CHAF1A: variants seen among roughly 807,000 people sequenced by gnomAD.
CHAF1A encodes the protein CAF-1 subunit A.
Under a neutral mutation model 93.2 loss-of-function variants are expected in CHAF1A, and 5 were observed. The ratio of observed to expected loss-of-function variants is 0.05; its 90% CI spans 0.03 to 0.11. The LOEUF (loss-of-function observed/expected upper bound fraction) is 0.11, where lower values mean the gene tolerates loss of function less well. CHAF1A is among the 10% of genes least tolerant of loss of function. The probability of loss-of-function intolerance (pLI) is 1.00; values close to 1 mark genes in which losing one functional copy is unlikely to be tolerated. For synonymous variants in CHAF1A, 504 were observed against 510.3 expected (o/e 0.99, Z 0.17); for missense variants, 1,102 against 1,259.9 (o/e 0.87, Z 1.90).
At chr19:4,432,315 C>G (rs1036830896) in intron 12 of CHAF1A, 108 bp downstream of exon 12, 3 of 1,272,318 alleles carry the variant, frequency 2.4e-6, no homozygotes, top group Non-Finnish European at 3.2e-6. Context: ...ATGTTCTTTC[C>G]ACAAATAACA....
chr19:4,403,922 C>T (rs1199930382), intron 1 of CHAF1A, among the ~76,000 whole-genome samples: 3 of 152,188 alleles, frequency 2.0e-5, no homozygotes, highest in Non-Finnish European at 2.9e-5. Flanking sequence ...CTGGTTCAAG[C>T]GATTCTTCTG....
chr19:4,430,876 C>T (rs1974169772), intron 11 of CHAF1A: 2 of 528,120 alleles, frequency 3.8e-6, no homozygotes, highest in Non-Finnish European at 6.9e-6. Flanking sequence ...GGAGCAGACA[C>T]CCTGGTGAGG....
chr19:4,422,498 C>A lies in CHAF1A; in HGVS notation c.1018-68C>A. The A allele has an allele frequency of 7.1e-7, 1 of 1,401,126 alleles. No individual in the cohort carries two copies. Among genetic ancestry groups the A allele is most frequent in the Non-Finnish European group, 9.9e-7 (1 of 1,013,620 alleles). The allele number at this position is 1,401,126 out of a possible 1,614,324, so 86.8% of individuals were successfully genotyped here. ...CGTCCAGGCCGTGCTGTCCTCCATG[C>A]TGTGAACCGAGCTTCCTCCTGGGAG... On this transcript the variant is annotated intron_variant, in intron 4 of 14. Coordinates refer to ENST00000301280, the MANE Select transcript of CHAF1A (RefSeq NM_005483.3). The surrounding 1 kb of genome is among the most constrained non-coding windows in gnomAD (Gnocchi z 4.6).
At chr19:4,447,841 C>T (rs765627908), downstream of CHAF1A, 40 of 578,516 alleles carry the variant, frequency 6.9e-5, no homozygotes, top group Non-Finnish European at 1.2e-4. Context: ...AGGAGCCCCA[C>T]GGAACCCCTC....
intron 7 of CHAF1A, among the ~76,000 whole-genome samples, chr19:4,425,678 A>AGG (rs778668673): frequency 2.0e-5 from 3 of 152,252 alleles, no homozygotes; most frequent in East Asian, 3.9e-4. Context: ...TCAGTGGTGT[A>AGG]GGGGGGGTCC....
intron 13 of CHAF1A, among the ~76,000 whole-genome samples, chr19:4,440,769 C>CTGCTCCATCCTGCAGGCACTTGTAACCCA (rs1974372493): frequency 6.6e-6 from 1 of 151,790 alleles, no homozygotes; most frequent in South Asian, 2.1e-4. Context: ...AGGTGACTGA[C>CTGCTCCATCCTGCAGGCACTTGTAACCCA]TGCTCCATCC....
intron 14 of CHAF1A, 125 bp downstream of exon 14, chr19:4,442,466 G>A (rs1212913657): frequency 2.5e-6 from 2 of 811,188 alleles, no homozygotes; most frequent in Admixed American, 4.4e-5. Flanking sequence ...GCTTGCAGCT[G>A]GAAGTGGCTC....
chr19:4,426,229 G>T (rs1210630703), intron 7 of CHAF1A, among the ~76,000 whole-genome samples: 1 of 143,886 alleles, frequency 6.9e-6, no homozygotes, highest in Non-Finnish European at 1.5e-5. Context: ...GTGCAGTGGT[G>T]CCATCTCGGC....
Position 4,422,574 on chromosome 19 carries a change from G to A in CHAF1A, c.1026G>A (p.Glu342=). Residue 342 remains glutamate, a synonymous_variant, in exon 5 of 15, where the codon GAG becomes GAA. Transcript: ENST00000301280. The surrounding 1 kb of genome is among the most constrained non-coding windows in gnomAD (Gnocchi z 4.6). ...GCCACACTGTCTTGTAGGATCAGGA[G>A]CGTCTGGGCAAGCAGCTCAAGTTAC... ...KNKLRLQRDQ[E]RLGKQLKLRA... 2 of 1,565,204 alleles carry A rather than the reference G, an allele frequency of 1.3e-6. No individual in the cohort carries two copies. The highest frequency in any genetic ancestry group is 8.7e-7 in the Non-Finnish European group (1 of 1,154,662).
In CHAF1A at chr19:4,443,354, CT is replaced by C; in HGVS notation, c.*330del. 3.0e-6 allele frequency: 1 copy of C among 333,090 alleles called. No individual in the cohort carries two copies. Among genetic ancestry groups the C allele is most frequent in the Admixed American group, 4.2e-5 (1 of 23,696 alleles). 20.6% of individuals were successfully genotyped at this position (333,090 alleles called of 1,614,324 possible). On this transcript the variant is annotated 3_prime_UTR_variant, in exon 15 of 15. Coordinates refer to ENST00000301280, the MANE Select transcript of CHAF1A (RefSeq NM_005483.3). ...CCCGCCTGGCCACGTGCGCGGGCCC[CT>C]GGACCTAACGAGGCAGTGTATAAAC...
At chr19:4,425,791 T>C (rs746483641) in intron 7 of CHAF1A, among the ~76,000 whole-genome samples, 20 of 152,206 alleles carry the variant, frequency 1.3e-4, no homozygotes, top group Non-Finnish European at 2.5e-4. Flanking sequence ...TCATGAGCCA[T>C]GGCCAGAGTG....
chr19:4,429,097 GCTC>G, intron 8 of CHAF1A: 1 of 596,742 alleles, frequency 1.7e-6, no homozygotes. Flanking sequence ...TGTCTTCCCA[GCTC>G]CTCGTGGAGG....
At chr19:4,432,294 C>G in intron 12 of CHAF1A, 87 bp downstream of exon 12, 1 of 1,414,086 alleles carries the variant, frequency 7.1e-7, no homozygotes, top group Non-Finnish European at 9.4e-7. Context: ...GCTAGTGGGT[C>G]CGTGATGCAA....
intron 3 of CHAF1A, among the ~76,000 whole-genome samples, chr19:4,417,609 T>A (rs941938549): frequency 1.3e-5 from 2 of 152,000 alleles, no homozygotes; most frequent in African/African-American, 4.8e-5. Flanking sequence ...TACAGGCACC[T>A]GCCACCACGC....
intron 9 of CHAF1A, 37 bp downstream of exon 9, chr19:4,429,643 C>G (rs367592334): frequency 3.7e-6 from 6 of 1,613,916 alleles, no homozygotes; most frequent in Non-Finnish European, 5.1e-6. Flanking sequence ...CCCCGTACCT[C>G]CTCACTGTGC....
intron 14 of CHAF1A, 102 bp downstream of exon 14, chr19:4,442,443 A>C (rs1222863757): frequency 1.0e-6 from 1 of 969,852 alleles, no homozygotes; most frequent in Non-Finnish European, 1.6e-6. Flanking sequence ...CTCCACTGTG[A>C]GCAGCCAGGA....
chr19:4,404,428 A>G (rs1217621278), intron 1 of CHAF1A, among the ~76,000 whole-genome samples: 1 of 152,228 alleles, frequency 6.6e-6, no homozygotes, highest in East Asian at 1.9e-4. Flanking sequence ...GATTGTCTCG[A>G]AAATAAAGTT....
intron 7 of CHAF1A, among the ~76,000 whole-genome samples, chr19:4,425,411 C>G (rs941943338): frequency 2.6e-5 from 4 of 152,038 alleles, no homozygotes; most frequent in African/African-American, 9.7e-5. Context: ...TGCCACCACT[C>G]CCAGCTAATT....
intron 8 of CHAF1A, 183 bp from the exon 9 acceptor site, chr19:4,429,255 C>T: frequency 2.9e-6 from 2 of 696,048 alleles, no homozygotes; most frequent in Non-Finnish European, 4.8e-6. Flanking sequence ...GCAGGCTGCA[C>T]CCTCCTCCAT....
Sources: allele counts gnomAD v4.1 joint callset (sites outside exome capture counted in the v4.1 genomes callset), GRCh38; gene constraint gnomAD v4.1.1; non-coding constraint Gnocchi (gnomAD v3.1); transcripts MANE v1.5; gene names NCBI Gene and HGNC (gene_info 2026-07-23, HGNC 2026-07-21).